Variants in MACROD2 observed in about 807,000 individuals in gnomAD.
The protein encoded by MACROD2 is mono-ADP ribosylhydrolase 2, also known as ADP-ribose glycohydrolase MACROD2.
A neutral mutation model predicts 70.4 loss-of-function variants in MACROD2; 36 were observed. That is an observed-to-expected ratio of 0.51 (90% CI 0.39 to 0.68). The LOEUF (loss-of-function observed/expected upper bound fraction) is 0.68. Among genes scored for constraint, MACROD2 ranks in the 30% least tolerant of loss-of-function variants. The pLI, the probability that MACROD2 is intolerant of heterozygous loss-of-function variation, is 0.00. For synonymous variants in MACROD2, 172 were observed against 178.8 expected, an observed-to-expected ratio of 0.96 and a Z score of 0.30; for missense variants, 496 against 538.4, an observed-to-expected ratio of 0.92 and a Z score of 0.78.
chr20:15,617,892 G>C (rs1183308447), intron 8 of MACROD2, among the ~76,000 whole-genome samples: 1 of 152,024 alleles, frequency 6.6e-6, no homozygotes, highest in Non-Finnish European at 1.5e-5. Context: ...TTGAAGGGTG[G>C]GGACAGGGTT....
At chr20:15,168,733 G>C (rs763812589) in intron 5 of MACROD2, among the ~76,000 whole-genome samples, 3 of 152,118 alleles carry the variant, frequency 2.0e-5, no homozygotes, top group Non-Finnish European at 4.4e-5. Context: ...TGTAGTCCCA[G>C]ATACTTGGGA....
At chr20:14,892,164 T>C (rs1185796336) in intron 5 of MACROD2, among the ~76,000 whole-genome samples, 1 of 152,190 alleles carries the variant, frequency 6.6e-6, no homozygotes, top group Non-Finnish European at 1.5e-5. Flanking sequence ...TCAATAGTTA[T>C]TTCTTTATAT....
At chr20:14,656,481 A>G (rs1007068270) in intron 4 of MACROD2, among the ~76,000 whole-genome samples, 8 of 152,244 alleles carry the variant, frequency 5.3e-5, no homozygotes, top group Non-Finnish European at 7.3e-5. Flanking sequence ...CAATGGATGT[A>G]TCCTAGTTCA....
At chr20:14,513,678 A>G (rs2085055074) in intron 4 of MACROD2, among the ~76,000 whole-genome samples, 1 of 152,114 alleles carries the variant, frequency 6.6e-6, no homozygotes, top group African/African-American at 2.4e-5. Flanking sequence ...AAAACTCACT[A>G]TGTACTTGAG....
chr20:15,085,075 TA>T (rs1400430472), intron 5 of MACROD2, among the ~76,000 whole-genome samples: 2 of 152,108 alleles, frequency 1.3e-5, no homozygotes, highest in Non-Finnish European at 2.9e-5. Context: ...CAATAGAATA[TA>T]ACTGAGACTC....
At chr20:14,064,542 T>C (rs993977030) in intron 2 of MACROD2, among the ~76,000 whole-genome samples, 1 of 152,188 alleles carries the variant, frequency 6.6e-6, no homozygotes, top group Non-Finnish European at 1.5e-5. Context: ...CAATTTCTTG[T>C]CCTCCCTCTT....
intron 15 of MACROD2, among the ~76,000 whole-genome samples, chr20:16,035,586 G>A (rs1324161427): frequency 1.3e-5 from 2 of 151,942 alleles, no homozygotes; most frequent in Non-Finnish European, 2.9e-5. Context: ...TAATTTCTAT[G>A]GGACAAAATT....
chr20:15,809,454 T>A (rs968635814), intron 8 of MACROD2, among the ~76,000 whole-genome samples: 5 of 152,234 alleles, frequency 3.3e-5, no homozygotes, highest in African/African-American at 1.2e-4. Flanking sequence ...CATCTGCTTC[T>A]AGGAGGACCT....
chr20:14,073,797 C>G (rs1336134876), intron 2 of MACROD2, among the ~76,000 whole-genome samples: 2 of 152,138 alleles, frequency 1.3e-5, no homozygotes, highest in Non-Finnish European at 2.9e-5. Context: ...ATAAATATTA[C>G]CCTCAGAGGA....
At chr20:14,685,242 T>A (rs2070987931) in intron 5 of MACROD2, among the ~76,000 whole-genome samples, 1 of 152,148 alleles carries the variant, frequency 6.6e-6, no homozygotes, top group African/African-American at 2.4e-5. Flanking sequence ...GAAAGGGAAA[T>A]AAAAACATGA....
intron 5 of MACROD2, among the ~76,000 whole-genome samples, chr20:14,714,837 A>C (rs754447325): frequency 6.6e-6 from 1 of 152,146 alleles, no homozygotes; most frequent in Non-Finnish European, 1.5e-5. Flanking sequence ...CTTTTATTAC[A>C]TGTGCGGTTT....
chr20:15,563,042 C>T (rs1055746501), intron 8 of MACROD2, among the ~76,000 whole-genome samples: 1 of 152,200 alleles, frequency 6.6e-6, no homozygotes, highest in African/African-American at 2.4e-5. Flanking sequence ...ATTCCTGATG[C>T]TATGGCTGGC....
At chr20:15,848,936 C>G (rs1156529251) in intron 8 of MACROD2, among the ~76,000 whole-genome samples, 1 of 152,140 alleles carries the variant, frequency 6.6e-6, no homozygotes, top group African/African-American at 2.4e-5. Context: ...GATCTACCGT[C>G]TAGCTGAGGG....
chr20:15,005,220 A>G (rs1157276903), intron 5 of MACROD2, among the ~76,000 whole-genome samples: 1 of 152,238 alleles, frequency 6.6e-6, no homozygotes, highest in African/African-American at 2.4e-5. Context: ...TATTATTGAC[A>G]GAATAGAAGA....
chr20:15,725,708 A>AT (rs1297861018), intron 8 of MACROD2, among the ~76,000 whole-genome samples: 5 of 151,946 alleles, frequency 3.3e-5, no homozygotes, highest in Non-Finnish European at 7.4e-5. Flanking sequence ...TAAATTGTAG[A>AT]TTTTTTGTAC....
chr20:15,649,779 A>G (rs1272668475), intron 8 of MACROD2, among the ~76,000 whole-genome samples: 1 of 152,180 alleles, frequency 6.6e-6, no homozygotes, highest in Non-Finnish European at 1.5e-5. Flanking sequence ...GCTTGGAAAA[A>G]AATCTGGGTG....
At chr20:14,678,396 C>T (rs971668895) in intron 4 of MACROD2, among the ~76,000 whole-genome samples, 2 of 152,096 alleles carry the variant, frequency 1.3e-5, no homozygotes, top group African/African-American at 4.8e-5. Flanking sequence ...AGCAGACTAG[C>T]CACAGTGGTC....
rs1421998817 is a variant in MACROD2 at position 15,460,995 on chromosome 20, TATATATA to T, written c.571+29561_571+29567del. On this transcript the variant is annotated intron_variant, in intron 7 of 17. Transcript: ENST00000684519. ...CTCTCTCCATATATATATATATATA[TATATATA>T]TATATTTTTTTTTAATAGATGGGGT... is the stretch of plus-strand genomic sequence containing the variant. 1.9e-3 allele frequency among the ~76,000 whole-genome samples: 157 copies of T among 83,560 alleles called. 7 individuals are homozygous for T. Among genetic ancestry groups the T allele is most frequent in the African/African-American group, 5.8e-3 (124 of 21,294 alleles). 54.8% of individuals were successfully genotyped at this position (83,560 alleles called of 152,430 possible).
chr20:14,036,131 G>A (rs2053306493), intron 2 of MACROD2, among the ~76,000 whole-genome samples: 2 of 149,698 alleles, frequency 1.3e-5, no homozygotes, highest in Admixed American at 1.3e-4. Flanking sequence ...GACAGAGCGA[G>A]ACTCCGTCTC....
Sources: gnomAD v4.1 joint callset for allele counts (sites outside exome capture counted in the v4.1 genomes callset) on GRCh38, gnomAD v4.1.1 for gene constraint, MANE v1.5 for transcripts, NCBI Gene and HGNC (gene_info 2026-07-23, HGNC 2026-07-21) for gene names.